RBFOX1: variants seen among roughly 807,000 people sequenced by gnomAD.
The protein encoded by RBFOX1 is RNA binding fox-1 homolog 1.
RBFOX1 carries 8 observed loss-of-function variants against 57.7 expected under a neutral mutation model. That is an observed-to-expected ratio of 0.14 (90% CI 0.08 to 0.25). The LOEUF (loss-of-function observed/expected upper bound fraction) is 0.25, where lower values mean the gene tolerates loss of function less well. Ranked by LOEUF, RBFOX1 falls within the 10% of genes least tolerant of loss-of-function variation. RBFOX1 has a pLI of 1.00. For missense variants in RBFOX1, 611 were observed against 548.5 expected (o/e 1.11, Z -1.14); for synonymous variants, 326 against 222.4 (o/e 1.47, Z -4.15).
intron 2 of RBFOX1, among the ~76,000 whole-genome samples, chr16:5,524,665 C>A (rs1054685723): frequency 1.3e-5 from 2 of 151,806 alleles, no homozygotes; most frequent in Non-Finnish European, 2.9e-5. Flanking sequence ...CTCAGCCTTC[C>A]AAGTAGCCGG....
chr16:5,678,718 G>A (rs2050242261), intron 3 of RBFOX1, among the ~76,000 whole-genome samples: 1 of 152,186 alleles, frequency 6.6e-6, no homozygotes, highest in African/African-American at 2.4e-5. Context: ...TGGACAAATG[G>A]TACATGGAGT....
intron 2 of RBFOX1, among the ~76,000 whole-genome samples, chr16:6,495,381 T>G (rs1207416793): frequency 1.0e-5 from 1 of 96,490 alleles, no homozygotes; most frequent in African/African-American, 4.0e-5. Context: ...CGCCCCCGCC[T>G]TGGCCTCCCT....
chr16:6,864,612 T>G (rs2059591551), intron 3 of RBFOX1, among the ~76,000 whole-genome samples: 1 of 151,802 alleles, frequency 6.6e-6, no homozygotes, highest in Admixed American at 6.6e-5. Context: ...AACGGCAGGA[T>G]ATTTGAGAAT....
At chr16:5,785,487 A>C (rs1005125729) in intron 3 of RBFOX1, among the ~76,000 whole-genome samples, 2 of 151,796 alleles carry the variant, frequency 1.3e-5, no homozygotes, top group East Asian at 1.9e-4. Flanking sequence ...GGGTCTCTGC[A>C]TGGTGTCTTC....
In RBFOX1 at chr16:6,925,956, G is replaced by T. The variant is rs543235539; in HGVS notation, c.-15-126101G>T. Among the ~76,000 whole-genome samples the T allele has an allele frequency of 3.3e-5, 5 of 151,738 alleles. No homozygotes were observed. The East Asian group carries it at 7.8e-4, about 24-fold the overall frequency. On this transcript the variant is annotated intron_variant, in intron 3 of 15. Transcript: ENST00000550418. ...TTTATTTTAGTAACCTAAACTCATC[G>T]TTAAGTCTGTAGTCCTGGAAACCAT... is the stretch of plus-strand genomic sequence containing the variant.
chr16:7,618,233 A>G (rs1452084165), intron 10 of RBFOX1, among the ~76,000 whole-genome samples: 4 of 152,208 alleles, frequency 2.6e-5, no homozygotes, highest in African/African-American at 9.7e-5. Flanking sequence ...ATTAAAAATA[A>G]CAATTATAAT....
intron 4 of RBFOX1, among the ~76,000 whole-genome samples, chr16:7,439,764 A>T (rs1239691700): frequency 6.6e-6 from 1 of 152,114 alleles, no homozygotes; most frequent in Non-Finnish European, 1.5e-5. Context: ...TTTCCTGAGC[A>T]TCTACCGCCA....
chr16:7,126,308 TG>T, intron 4 of RBFOX1: 1 of 312,348 alleles, frequency 3.2e-6, no homozygotes, highest in South Asian at 3.5e-5. Flanking sequence ...TGGGCTTTGG[TG>T]GGGGTCATGG....
intron 2 of RBFOX1, among the ~76,000 whole-genome samples, chr16:6,615,187 A>G (rs2098124640): frequency 6.6e-6 from 1 of 152,188 alleles, no homozygotes; most frequent in Non-Finnish European, 1.5e-5. Flanking sequence ...TAGAAATGGC[A>G]TTTTTTACTC....
At chr16:7,709,967 A>C (rs1384845701) in intron 15 of RBFOX1, 3 of 1,009,280 alleles carry the variant, frequency 3.0e-6, no homozygotes, top group South Asian at 4.3e-5. Flanking sequence ...CATTCATTTG[A>C]ATTGCCAATA....
intron 3 of RBFOX1, among the ~76,000 whole-genome samples, chr16:6,964,767 G>C (rs770832043): frequency 2.6e-5 from 4 of 152,144 alleles, no homozygotes; most frequent in Non-Finnish European, 5.9e-5. Context: ...GAGCCTTTAA[G>C]AACTTCTCAG....
chr16:7,694,447 G>A lies in RBFOX1; in HGVS notation c.996-14609G>A, dbSNP rs8052460. Among the ~76,000 whole-genome samples the A allele has an allele frequency of 5.6e-3, 846 of 152,292 alleles. 5 individuals are homozygous for A. The highest frequency in any genetic ancestry group is 0.017 in the African/African-American group (713 of 41,558). On this transcript the variant is annotated intron_variant, in intron 14 of 15. Transcript: ENST00000550418. The stretch of plus-strand genomic sequence containing the variant: ...CACCCAACTATCTCTGTTCTAAAAG[G>A]CAGGGTCAGTTTTATTTATATGGTC...
At chr16:6,620,446 C>T (rs113569537) in intron 2 of RBFOX1, among the ~76,000 whole-genome samples, 30 of 152,170 alleles carry the variant, frequency 2.0e-4, no homozygotes, top group African/African-American at 6.7e-4. Flanking sequence ...ACTGGAGAAA[C>T]AAGAGCAAAC....
intron 1 of RBFOX1, among the ~76,000 whole-genome samples, chr16:6,096,581 T>C (rs905399898): frequency 6.6e-5 from 10 of 152,196 alleles, no homozygotes; most frequent in Admixed American, 5.2e-4. Context: ...GAGGAAATTC[T>C]GGATCTTTGG....
At position 6,019,134 on chromosome 16, in the gene RBFOX1, G is replaced by A; in HGVS notation, c.-985G>A. 12 of 984,672 alleles carry A rather than the reference G, an allele frequency of 1.2e-5. No individual in the cohort carries two copies. The highest frequency in any genetic ancestry group is 1.3e-5 in the Non-Finnish European group (11 of 829,850). 61.0% of individuals were successfully genotyped at this position (984,672 alleles called of 1,614,324 possible). On this transcript the variant is annotated 5_prime_UTR_variant, in exon 1 of 16. Transcript: ENST00000550418. This position sits in a 1 kb window ranked among gnomAD's most constrained non-coding sequence, Gnocchi z 4.2. Reference sequence around the variant, plus strand: ...GCACACATTTTCTCGCGCTCTCTCCGGCTCTCCTTTGTTTATTTTCTAATC... The same window carrying A: ...GCACACATTTTCTCGCGCTCTCTCCAGCTCTCCTTTGTTTATTTTCTAATC...
intron 4 of RBFOX1, among the ~76,000 whole-genome samples, chr16:7,308,997 A>T (rs1044879064): frequency 3.3e-5 from 5 of 151,996 alleles, no homozygotes; most frequent in African/African-American, 1.2e-4. Context: ...AGTGCTATGG[A>T]TTGGGGGTGG....
intron 4 of RBFOX1, among the ~76,000 whole-genome samples, chr16:7,188,949 C>A (rs575479444): frequency 6.6e-6 from 1 of 152,020 alleles, no homozygotes; most frequent in African/African-American, 2.4e-5. Flanking sequence ...ATAATTGCAG[C>A]CTGGGTAGCT....
intron 4 of RBFOX1, among the ~76,000 whole-genome samples, chr16:7,073,399 G>T (rs1271496689): frequency 6.6e-6 from 1 of 152,154 alleles, no homozygotes; most frequent in Non-Finnish European, 1.5e-5. Context: ...GAGCTTTACA[G>T]GGTCAAGAGC....
chr16:7,199,669 C>T (rs1287439827), intron 4 of RBFOX1, among the ~76,000 whole-genome samples: 4 of 152,096 alleles, frequency 2.6e-5, no homozygotes, highest in South Asian at 4.1e-4. Context: ...TGAGGCAGAC[C>T]AATCATTTGA....
Sources: gnomAD v4.1 joint callset for allele counts (sites outside exome capture counted in the v4.1 genomes callset) on GRCh38, gnomAD v4.1.1 for gene constraint, Gnocchi (gnomAD v3.1) non-coding constraint, MANE v1.5 for transcripts, NCBI Gene and HGNC (gene_info 2026-07-23, HGNC 2026-07-21) for gene names.